The following PCF11 variants were observed in gnomAD, a reference collection of about 807,000 sequenced individuals.
PCF11 encodes pre-mRNA cleavage complex 2 protein Pcf11.
PCF11 carries 19 observed loss-of-function variants against 166.1 expected under a neutral mutation model. The observed-to-expected ratio is 0.11, with a 90% CI of 0.08 to 0.17. The LOEUF (loss-of-function observed/expected upper bound fraction) is 0.17, where lower values mean the gene tolerates loss of function less well. Among genes scored for constraint, PCF11 ranks in the 10% least tolerant of loss-of-function variants. The probability of loss-of-function intolerance (pLI) is 1.00; values close to 1 mark genes in which losing one functional copy is unlikely to be tolerated. For missense variants in PCF11, 1,565 were observed against 1,855.5 expected, an observed-to-expected ratio of 0.84 and a Z score of 2.88; for synonymous variants, 663 against 644.1, an observed-to-expected ratio of 1.03 and a Z score of -0.44.
chr11:83,185,447 GAT>G lies in PCF11; in HGVS notation c.*569_*570del, dbSNP rs34956679. 240 of 149,016 alleles carry G rather than the reference GAT, an allele frequency of 1.6e-3. 1 individual carries two copies. The highest frequency in any genetic ancestry group is 5.1e-3 in the African/African-American group (208 of 40,918). 9.2% of individuals were successfully genotyped at this position (149,016 alleles called of 1,614,324 possible). On this transcript the variant is annotated 3_prime_UTR_variant, in exon 16 of 16. Transcript: ENST00000298281. ...AAGATAAAATAGGACATATTTTGCA[GAT>G]ATATATATATATATACACAAACACA...
At chr11:83,158,655 C>T (rs181195424) in intron 1 of PCF11, 5 of 152,288 alleles carry the variant, frequency 3.3e-5, no homozygotes, top group East Asian at 1.9e-4. Context: ...CAAGCTTGTA[C>T]TCACGGTTTA....
chr11:83,178,812 C>CAA lies in PCF11; in HGVS notation c.3983+1007_3983+1008dup, dbSNP rs747677105. On this transcript the variant is annotated intron_variant, in intron 11 of 15. Coordinates refer to ENST00000298281, the Ensembl canonical transcript of PCF11. ...TGGGCGAAAGAGCGAGACTGTGTCT[C>CAA]AAAAAAAAAAAAAAATCTATTTTTC... Among the ~76,000 whole-genome samples the CAA allele has an allele frequency of 3.4e-4, 38 of 111,072 alleles. 1 individual carries two copies. The highest frequency in any genetic ancestry group is 5.4e-4 in the East Asian group (2 of 3,690). 72.9% of individuals were successfully genotyped at this position (111,072 alleles called of 152,430 possible).
intron 8 of PCF11, among the ~76,000 whole-genome samples, chr11:83,170,700 A>C (rs931921020): frequency 2.6e-5 from 4 of 152,200 alleles, no homozygotes; most frequent in African/African-American, 9.7e-5. Flanking sequence ...TTGAATGACT[A>C]CTTTTGCTTG....
exon 16 of PCF11, chr11:83,185,087 T>G: frequency 2.1e-6 from 1 of 480,706 alleles, no homozygotes. Flanking sequence ...TTCAGGTGCT[T>G]GTTGTGTGAA....
Position 83,179,148 on chromosome 11 carries a change from TA to T in PCF11, c.3983+1331del, listed in dbSNP as rs1860995193. Among the ~76,000 whole-genome samples, 7 of 152,264 alleles carry T rather than the reference TA, an allele frequency of 4.6e-5. No homozygotes were observed. The South Asian group carries it at 1.4e-3, about 32-fold the overall frequency. On this transcript the variant is annotated intron_variant, in intron 11 of 15. Coordinates refer to ENST00000298281, the Ensembl canonical transcript of PCF11. ...AGTAATACTTTCACATAAAGGCTTT[TA>T]ATAAAAGATGGCATCCCTTTCTCCT...
chr11:83,180,470 A>G (rs1370509931), intron 11 of PCF11: 1 of 151,914 alleles, frequency 6.6e-6, no homozygotes, highest in Non-Finnish European at 1.5e-5. Flanking sequence ...CTTCCCAAAT[A>G]GGGAGCCCAG....
chr11:83,181,953 G>C, exon 13 of PCF11: 1 of 1,612,872 alleles, frequency 6.2e-7, no homozygotes, highest in Non-Finnish European at 8.5e-7. Flanking sequence ...AACTCAAGAG[G>C]CTGCTAAAGA....
At chr11:83,181,080 A>G in exon 12 of PCF11, 1 of 1,605,348 alleles carries the variant, frequency 6.2e-7, no homozygotes, top group Non-Finnish European at 8.5e-7. Flanking sequence ...GGTTTACAAC[A>G]TCACAGACAG....
At chr11:83,163,390 G>GA (rs1860331774) in intron 2 of PCF11, among the ~76,000 whole-genome samples, 1 of 151,616 alleles carries the variant, frequency 6.6e-6, no homozygotes, top group South Asian at 2.1e-4. Context: ...TTTTCCCAGA[G>GA]AAAGAGTAAC....
chr11:83,177,939 T>C, intron 11 of PCF11, 120 bp downstream of exon 11: 1 of 394,650 alleles, frequency 2.5e-6, no homozygotes, highest in East Asian at 3.8e-5. Flanking sequence ...TTTTAACATT[T>C]AGGAAGTCTT....
intron 15 of PCF11, among the ~76,000 whole-genome samples, chr11:83,183,909 TG>T (rs1451853938): frequency 2.6e-5 from 4 of 151,470 alleles, no homozygotes; most frequent in Non-Finnish European, 5.9e-5. Flanking sequence ...CCAGCACTTT[TG>T]GGAGGCCGAG....
intron 11 of PCF11, among the ~76,000 whole-genome samples, chr11:83,178,612 G>A (rs1424857284): frequency 6.6e-6 from 1 of 151,840 alleles, no homozygotes; most frequent in Non-Finnish European, 1.5e-5. Flanking sequence ...TGGCTAACAA[G>A]ACCATCCTGG....
exon 5 of PCF11, chr11:83,166,569 A>G: frequency 2.5e-6 from 4 of 1,614,020 alleles, no homozygotes; most frequent in Non-Finnish European, 3.4e-6. Context: ...TCCAAGGCGA[A>G]TGAAAAAGAC....
exon 16 of PCF11, chr11:83,184,784 A>G (rs118001085): frequency 0.027 from 43,398 of 1,611,096 alleles, 754 homozygotes; most frequent in Middle Eastern, 0.035. Flanking sequence ...ACCCTGTGAC[A>G]GTCCCAAAGT....
chr11:83,168,461 A>T (rs544027102), exon 8 of PCF11: 11 of 1,607,840 alleles, frequency 6.8e-6, no homozygotes, highest in Middle Eastern at 3.3e-4. Flanking sequence ...CCATTCAATG[A>T]TCGTTTTCCA....
chr11:83,176,692 G>C (rs576629551), intron 9 of PCF11, among the ~76,000 whole-genome samples: 12 of 151,934 alleles, frequency 7.9e-5, no homozygotes, highest in Non-Finnish European at 1.6e-4. Flanking sequence ...GTCGGGGGGT[G>C]GGGGGTCTGG....
chr11:83,166,350 C>T (rs372258572), exon 5 of PCF11: 1 of 1,613,870 alleles, frequency 6.2e-7, no homozygotes, highest in Non-Finnish European at 8.5e-7. Flanking sequence ...ATCTCGATCA[C>T]CCAAGTCTAG....
exon 16 of PCF11, chr11:83,185,714 T>G (rs543521807): frequency 1.3e-5 from 2 of 152,750 alleles, no homozygotes; most frequent in South Asian, 4.1e-4. Flanking sequence ...TGGTTAACTT[T>G]TTTCTTTTGT....
chr11:83,167,361 T>C lies in PCF11; in HGVS notation c.2001+53T>C. The C allele has an allele frequency of 6.6e-7, 1 of 1,526,598 alleles. No individual in the cohort carries two copies. Among genetic ancestry groups the C allele is most frequent in the Middle Eastern group, 1.8e-4 (1 of 5,714 alleles). 94.6% of individuals were successfully genotyped at this position (1,526,598 alleles called of 1,614,324 possible). A position where few individuals can be genotyped will look rare whatever the true frequency, so the allele number is the denominator to read the frequency against. ...TCATCATTATCTATCGTCTATTTTT[T>C]TGGTATTTTTTTATATTTAAAATAT... On this transcript the variant is annotated intron_variant, in intron 6 of 15. Transcript: ENST00000298281. The surrounding 1 kb of genome is among the most constrained non-coding windows in gnomAD (Gnocchi z 4.2).
Sources: gnomAD v4.1 joint callset for allele counts (sites outside exome capture counted in the v4.1 genomes callset) on GRCh38, gnomAD v4.1.1 for gene constraint, Gnocchi (gnomAD v3.1) non-coding constraint, MANE v1.5 for transcripts, NCBI Gene and HGNC (gene_info 2026-07-23, HGNC 2026-07-21) for gene names.